The following DOCK4 variants were observed in gnomAD, a reference collection of about 807,000 sequenced individuals.
The protein encoded by DOCK4 is dedicator of cytokinesis protein 4.
DOCK4 carries 97 observed loss-of-function variants against 268.1 expected under a neutral mutation model. That is an observed-to-expected ratio of 0.36 (90% confidence interval 0.31 to 0.43). The LOEUF (loss-of-function observed/expected upper bound fraction) is 0.43, where lower values mean the gene tolerates loss of function less well. DOCK4 is among the 20% of genes least tolerant of loss of function. The pLI is 1.00. For missense variants in DOCK4, 2,145 were observed against 2,455.7 expected (o/e 0.87, Z 2.67); for synonymous variants, 954 against 887.2 (o/e 1.08, Z -1.34).
intron 39 of DOCK4, among the ~76,000 whole-genome samples, chr7:111,760,895 TGATTA>T (rs1428850141): frequency 2.6e-5 from 4 of 151,988 alleles, no homozygotes; most frequent in Admixed American, 2.6e-4. Context: ...CTGAATGATC[TGATTA>T]GATATGACGG....
chr7:112,076,292 G>T (rs1296617602), intron 1 of DOCK4, among the ~76,000 whole-genome samples: 1 of 151,920 alleles, frequency 6.6e-6, no homozygotes, highest in Non-Finnish European at 1.5e-5. Flanking sequence ...CTAAGAAAAA[G>T]AATTGGGGGG....
At chr7:112,184,760 G>C (rs1291954214) in intron 1 of DOCK4, among the ~76,000 whole-genome samples, 1 of 150,520 alleles carries the variant, frequency 6.6e-6, no homozygotes, top group African/African-American at 2.5e-5. Context: ...TCATTTTCTA[G>C]CAATAACACC....
intron 1 of DOCK4, among the ~76,000 whole-genome samples, chr7:112,100,338 G>C (rs561498628): frequency 6.6e-6 from 1 of 152,198 alleles, no homozygotes; most frequent in African/African-American, 2.4e-5. Context: ...GAATAGATAC[G>C]CATTTGGATG....
Position 112,093,008 on chromosome 7 carries a change from C to T in DOCK4, c.38-88877G>A, listed in dbSNP as rs533007963. Among the ~76,000 whole-genome samples the T allele has an allele frequency of 5.3e-5, 8 of 152,116 alleles. No homozygotes were observed. The South Asian group carries it at 1.5e-3, about 28-fold the overall frequency. The stretch of plus-strand genomic sequence containing the variant: ...ACTTCAGTTTATCAATAGATTTATC[C>T]TTTTTGTCTCTCTCATATGGGCATC... On this transcript the variant is annotated intron_variant, in intron 1 of 52. Coordinates refer to ENST00000428084, the MANE Select transcript of DOCK4 (RefSeq NM_001363540.2).
At position 111,863,521 on chromosome 7, in the gene DOCK4, A is replaced by C; in HGVS notation, c.2324T>G (p.Leu775Trp). 1.7e-5 allele frequency: 27 copies of C among 1,613,728 alleles called. No homozygotes were observed. The highest frequency in any genetic ancestry group is 2.3e-5 in the Non-Finnish European group (27 of 1,179,782). ...SSFPAVYSELLKLFDVREVAN... is the reference protein window; with the variant it reads ...SSFPAVYSELWKLFDVREVAN... ...TACTTCCCGGACATCAAAGAGCTTC[A>C]ACAGTTCTGAGTACACGGCAGGGAA... is the stretch of plus-strand genomic sequence containing the variant. The change falls in exon 23 of 53, where the codon TTG becomes TGG. Residue 775 changes from leucine (L) to tryptophan (W), a missense_variant. This residue lies in a region of DOCK4 where 1,598 missense variants were observed against 1,986.7 expected (regional missense o/e 0.80). Transcript: ENST00000428084.
intron 1 of DOCK4, among the ~76,000 whole-genome samples, chr7:112,157,093 T>C (rs2116455946): frequency 6.6e-6 from 1 of 152,270 alleles, no homozygotes; most frequent in South Asian, 2.1e-4. Flanking sequence ...TGTGAGTATG[T>C]ATGACTTTTA....
intron 1 of DOCK4, among the ~76,000 whole-genome samples, chr7:112,063,537 G>A (rs2135610671): frequency 6.6e-6 from 1 of 152,290 alleles, no homozygotes; most frequent in South Asian, 2.1e-4. Context: ...TCATGTAAGA[G>A]TATTGTACCA....
intron 35 of DOCK4, among the ~76,000 whole-genome samples, chr7:111,782,045 C>T (rs533805400): frequency 6.6e-6 from 1 of 152,256 alleles, no homozygotes; most frequent in South Asian, 2.1e-4. Flanking sequence ...TAGAACTAGA[C>T]TTTTCTTGTA....
At chr7:111,833,652 T>A (rs1374470483) in intron 26 of DOCK4, among the ~76,000 whole-genome samples, 5 of 152,214 alleles carry the variant, frequency 3.3e-5, no homozygotes. Context: ...TTGTTTTATA[T>A]GACTCAGCTT....
chr7:111,732,154 T>G (rs1795136143), intron 52 of DOCK4, 72 bp downstream of exon 52: 1 of 1,454,578 alleles, frequency 6.9e-7, no homozygotes, highest in African/African-American at 1.4e-5. Flanking sequence ...CCTTTTGATA[T>G]ATCTGGGATG....
chr7:111,767,271 G>A (rs1256549741), intron 37 of DOCK4, among the ~76,000 whole-genome samples, 153 bp from the exon 38 acceptor site: 1 of 143,320 alleles, frequency 7.0e-6, no homozygotes, highest in Non-Finnish European at 1.5e-5. Context: ...TCTGTCACCA[G>A]GCTGGAGCGC....
Position 111,783,845 on chromosome 7 carries a change from G to A in DOCK4, c.3524+12C>T, listed in dbSNP as rs750108202. On this transcript the variant is annotated intron_variant, in intron 34 of 52. Coordinates refer to ENST00000428084, the MANE Select transcript of DOCK4 (RefSeq NM_001363540.2). ...TGAACTGGAGTTCAGAAAAACATGC[G>A]ACTTGGCTTACCTGTAATCTAACAA... 73 of 1,588,892 alleles carry A rather than the reference G, an allele frequency of 4.6e-5. 1 individual carries two copies. The South Asian group carries it at 6.8e-4, about 15-fold the overall frequency.
At chr7:111,777,940 G>A (rs1798555511) in intron 36 of DOCK4, among the ~76,000 whole-genome samples, 1 of 152,102 alleles carries the variant, frequency 6.6e-6, no homozygotes, top group African/African-American at 2.4e-5. Context: ...CCCAGTCTCA[G>A]GTATGTCTTT....
At chr7:112,125,804 TTTTTTTG>T (rs1332155643) in intron 1 of DOCK4, among the ~76,000 whole-genome samples, 1 of 152,042 alleles carries the variant, frequency 6.6e-6, no homozygotes, top group Non-Finnish European at 1.5e-5. Context: ...ATCATCACTA[TTTTTTTG>T]TTTTTTGTTT....
intron 26 of DOCK4, among the ~76,000 whole-genome samples, chr7:111,824,778 T>C (rs1316554022): frequency 6.6e-6 from 1 of 152,182 alleles, no homozygotes; most frequent in Admixed American, 6.5e-5. Flanking sequence ...TGCTATCTCA[T>C]TTTCCTAGTC....
intron 43 of DOCK4, 85 bp from the exon 44 acceptor site, chr7:111,746,502 T>A: frequency 1.9e-6 from 2 of 1,073,008 alleles, no homozygotes. Flanking sequence ...CTGGCATCTT[T>A]ATGGAAATGA....
At chr7:111,850,977 T>G (rs1313391773) in intron 23 of DOCK4, among the ~76,000 whole-genome samples, 1 of 152,192 alleles carries the variant, frequency 6.6e-6, no homozygotes, top group African/African-American at 2.4e-5. Context: ...CTTTAACAGA[T>G]GCCGAGGTAA....
intron 14 of DOCK4, among the ~76,000 whole-genome samples, chr7:111,901,088 C>T (rs1319436950): frequency 1.3e-5 from 2 of 152,144 alleles, no homozygotes; most frequent in African/African-American, 4.8e-5. Flanking sequence ...TATCTCAGCA[C>T]TTTGGGAAGC....
chr7:111,808,214 T>G (rs1017152084), intron 30 of DOCK4: 3 of 152,220 alleles, frequency 2.0e-5, no homozygotes, highest in Admixed American at 6.5e-5. Context: ...TGCCAATGAA[T>G]TTTAAAACAA....
Sources: gnomAD v4.1 joint callset for allele counts (sites outside exome capture counted in the v4.1 genomes callset) on GRCh38, gnomAD v4.1.1 for gene constraint, gnomAD v4.1.1 regional missense constraint, MANE v1.5 for transcripts, NCBI Gene and HGNC (gene_info 2026-07-23, HGNC 2026-07-21) for gene names.